ZNF141: variants seen among roughly 807,000 people sequenced by gnomAD.
ZNF141 encodes zinc finger protein 141.
In ZNF141, 7 loss-of-function variants were observed where a neutral mutation model predicts 11.3. The ratio of observed to expected loss-of-function variants is 0.62; its 90% CI spans 0.35 to 1.16. The LOEUF is 1.16. ZNF141 is among the 50% of genes most tolerant of loss of function. The pLI is 0.02. For missense variants in ZNF141, 535 were observed against 554.0 expected (o/e 0.97, Z 0.34); for synonymous variants, 183 against 190.7 (o/e 0.96, Z 0.33).
At chr4:358,984 G>A (rs1283002626) in intron 3 of ZNF141, among the ~76,000 whole-genome samples, 2 of 152,176 alleles carry the variant, frequency 1.3e-5, no homozygotes, top group Non-Finnish European at 2.9e-5. Flanking sequence ...TTTTTGTGCT[G>A]TTAGGTTTGC....
chr4:360,608 C>T (rs1476506357), intron 3 of ZNF141, among the ~76,000 whole-genome samples: 1 of 152,002 alleles, frequency 6.6e-6, no homozygotes, highest in African/African-American at 2.4e-5. Flanking sequence ...TGATCATTTA[C>T]TTTTTTGTGT....
intron 3 of ZNF141, among the ~76,000 whole-genome samples, chr4:355,162 C>T (rs1384417353): frequency 2.7e-5 from 4 of 150,880 alleles, no homozygotes; most frequent in South Asian, 2.1e-4. Context: ...TTTTTAATGA[C>T]GAATTTTTTT....
chr4:337,855 T>A lies in ZNF141; in HGVS notation c.-129T>A. 1.5e-6 allele frequency: 2 copies of A among 1,294,704 alleles called. No individual in the cohort carries two copies. Among genetic ancestry groups the A allele is most frequent in the Admixed American group, 1.7e-5 (1 of 57,842 alleles). 80.2% of individuals were successfully genotyped at this position (1,294,704 alleles called of 1,614,324 possible). On this transcript the variant is annotated 5_prime_UTR_variant, in exon 1 of 4. Transcript: ENST00000240499. ...ACTACCAGACCGCGGGTTAGGGGCT[T>A]CATCTCTCTGCGTTCTCAGTTGTGG...
rs781877639 is a variant in ZNF141, at chr4:383,958, T to G, written c.*10096T>G. 1.3e-5 allele frequency: 2 copies of G among 152,316 alleles called. No individual in the cohort carries two copies. Among genetic ancestry groups the G allele is most frequent in the Non-Finnish European group, 1.5e-5 (1 of 68,110 alleles). The allele number at this position is 152,316 out of a possible 1,614,324, so 9.4% of individuals were successfully genotyped here. A position where few individuals can be genotyped will look rare whatever the true frequency, so the allele number is the denominator to read the frequency against. On this transcript the variant is annotated 3_prime_UTR_variant, in exon 4 of 4. Transcript: ENST00000240499. ...AGAGTGCTTTCTCACTTTAATAAAA[T>G]CTTGCTTTTGCTATTCCCTTCCTGT...
In ZNF141 at chr4:368,386, C is replaced by T. The variant is rs574176283; in HGVS notation, c.227-4278C>T. On this transcript the variant is annotated intron_variant, in intron 3 of 3. Coordinates refer to ENST00000240499, the MANE Select transcript of ZNF141 (RefSeq NM_003441.4). ...CCACCCAAGTAGCTGGGATTACAGACGTGCACCACCACACCCATCTAATTT... is the reference window on the plus strand; with the variant it reads ...CCACCCAAGTAGCTGGGATTACAGATGTGCACCACCACACCCATCTAATTT... 1.8e-4 allele frequency among the ~76,000 whole-genome samples: 27 copies of T among 152,068 alleles called. No individual in the cohort carries two copies. The South Asian group carries it at 4.1e-3, about 23-fold the overall frequency.
rs1721625163 is a variant in ZNF141, at chr4:351,964, G to A, written c.226+7534G>A. On this transcript the variant is annotated intron_variant, in intron 3 of 3. Transcript: ENST00000240499. ...ATTGTCAAGTAAAATAAATTTTGAT[G>A]TAGGTAAGAAGTGAGTTTATTCTAA... is the stretch of plus-strand genomic sequence containing the variant. Among the ~76,000 whole-genome samples, 4 of 152,138 alleles carry A rather than the reference G, an allele frequency of 2.6e-5. No homozygotes were observed. The South Asian group carries it at 8.3e-4, about 31-fold the overall frequency.
At chr4:371,656 C>T (rs782644084) in intron 3 of ZNF141, among the ~76,000 whole-genome samples, 1 of 152,126 alleles carries the variant, frequency 6.6e-6, no homozygotes, top group Non-Finnish European at 1.5e-5. Flanking sequence ...TCTCCTGCCT[C>T]AGCCTCCCGC....
At position 376,945 on chromosome 4, in the gene ZNF141, C is replaced by CT. The variant is rs1553854740; in HGVS notation, c.*3089dup. ...CTAGAGCTATAATTTCTTTGATTCT[C>CT]TTTTTTGTTTTCACTTCATGAAGTG... On this transcript the variant is annotated 3_prime_UTR_variant, in exon 4 of 4. Transcript: ENST00000240499. Among the ~76,000 whole-genome samples, 1 of 151,978 alleles carries CT rather than the reference C, an allele frequency of 6.6e-6. No homozygotes were observed. The highest frequency in any genetic ancestry group is 1.9e-4 in the East Asian group (1 of 5,194).
intron 3 of ZNF141, among the ~76,000 whole-genome samples, chr4:346,505 TA>T (rs2108687134): frequency 6.6e-6 from 1 of 152,324 alleles, no homozygotes; most frequent in East Asian, 1.9e-4. Flanking sequence ...ATTTAAAGCA[TA>T]CATTATAGTA....
intron 3 of ZNF141, among the ~76,000 whole-genome samples, chr4:369,482 A>G (rs1233602830): frequency 1.3e-5 from 2 of 151,782 alleles, no homozygotes; most frequent in East Asian, 1.9e-4. Flanking sequence ...AATTTTTGCA[A>G]TCAGTCCCTT....
rs1721223489 is a variant in ZNF141 at position 344,482 on chromosome 4, A to G, written c.226+52A>G. On this transcript the variant is annotated intron_variant, in intron 3 of 3. Coordinates refer to ENST00000240499, the MANE Select transcript of ZNF141 (RefSeq NM_003441.4). ...GCACAGGCAAGGGGACCAAAGGTCA[A>G]GAAGGAAGCCAGGCCTTAAAATGTG... 5 of 1,518,890 alleles carry G rather than the reference A, an allele frequency of 3.3e-6. No homozygotes were observed. In the East Asian group the frequency reaches 1.2e-4, roughly 36 times the overall value. The allele number at this position is 1,518,890 out of a possible 1,614,324, so 94.1% of individuals were successfully genotyped here.
rs1553848935 is a variant in ZNF141 at position 343,791 on chromosome 4, ACAT to A, written c.14_16del (p.Thr5_Phe6delinsIle). On this transcript the variant is annotated inframe_deletion, in exon 2 of 4. Transcript: ENST00000240499. ...ATATTTGTATTTTCAGGAACTCTTA[ACAT>A]TCAGGGATGTGGCCATAGAATTCTC... 1 of 1,582,952 alleles carries A rather than the reference ACAT, an allele frequency of 6.3e-7. No individual in the cohort carries two copies. Among genetic ancestry groups the A allele is most frequent in the East Asian group, 2.2e-5 (1 of 44,462 alleles).
chr4:383,235 C>A lies in ZNF141; in HGVS notation c.*9373C>A, dbSNP rs1712743944. On this transcript the variant is annotated 3_prime_UTR_variant, in exon 4 of 4. Coordinates refer to ENST00000240499, the MANE Select transcript of ZNF141 (RefSeq NM_003441.4). ...ATTCACCAGCATCTAACCACTCACA[C>A]CTGAAGGAGCCAAACTGAGCCCAGA... The A allele has an allele frequency of 1.5e-6, 1 of 675,558 alleles. No individual in the cohort carries two copies. The highest frequency in any genetic ancestry group is 1.8e-5 in the African/African-American group (1 of 56,072). 41.8% of individuals were successfully genotyped at this position (675,558 alleles called of 1,614,324 possible). A position where few individuals can be genotyped will look rare whatever the true frequency, so the allele number is the denominator to read the frequency against.
intron 3 of ZNF141, among the ~76,000 whole-genome samples, chr4:357,808 G>T (rs2108706187): frequency 6.6e-6 from 1 of 150,806 alleles, no homozygotes; most frequent in Non-Finnish European, 1.5e-5. Flanking sequence ...CCGGATTCAA[G>T]CAATTCTCTA....
intron 2 of ZNF141, 71 bp from the exon 3 acceptor site, chr4:344,264 C>A: frequency 7.7e-7 from 1 of 1,295,990 alleles, no homozygotes; most frequent in Non-Finnish European, 1.1e-6. Flanking sequence ...TTCTGCTTAG[C>A]GTAGTACTAG....
rs2108657844 is a variant in ZNF141 at position 375,754 on chromosome 4, A to G, written c.*1892A>G. 6.6e-6 allele frequency among the ~76,000 whole-genome samples: 1 copy of G among 152,138 alleles called. No homozygotes were observed. Among genetic ancestry groups the G allele is most frequent in the East Asian group, 1.9e-4 (1 of 5,200 alleles). ...AACTCAAATTATTTCATACTGTTTC[A>G]ACATTCCTGTTTATGTGAAAGCATG... is the stretch of plus-strand genomic sequence containing the variant. On this transcript the variant is annotated 3_prime_UTR_variant, in exon 4 of 4. Coordinates refer to ENST00000240499, the MANE Select transcript of ZNF141 (RefSeq NM_003441.4).
rs1400296490 is a variant in ZNF141 at position 384,146 on chromosome 4, AAC to A, written c.*10290_*10291del. 3 of 152,206 alleles carry A rather than the reference AAC, an allele frequency of 2.0e-5. No individual in the cohort carries two copies. The highest frequency in any genetic ancestry group is 2.9e-5 in the Non-Finnish European group (2 of 68,054). The allele number at this position is 152,206 out of a possible 1,614,324, so 9.4% of individuals were successfully genotyped here. Reference sequence around the variant, plus strand: ...ACAGTGCCCCATACCACAGGAGAAAAACACACAGTTCCAGCCTGGCAATTAGG... The same window carrying A: ...ACAGTGCCCCATACCACAGGAGAAAAACACAGTTCCAGCCTGGCAATTAGG... On this transcript the variant is annotated 3_prime_UTR_variant, in exon 4 of 4. Transcript: ENST00000240499.
Position 384,366 on chromosome 4 carries a change from G to A in ZNF141, c.*10504G>A, listed in dbSNP as rs1177016872. The stretch of plus-strand genomic sequence containing the variant: ...GAGAAAGGAGGCAGAGGCTGGTTAG[G>A]AAGATAGGGAGGGAAGGTCTTGGGA... On this transcript the variant is annotated 3_prime_UTR_variant, in exon 4 of 4. Transcript: ENST00000240499. The A allele has an allele frequency of 1.1e-4, 17 of 152,256 alleles. No homozygotes were observed. Among genetic ancestry groups the A allele is most frequent in the African/African-American group, 3.6e-4 (15 of 41,420 alleles). 9.4% of individuals were successfully genotyped at this position (152,256 alleles called of 1,614,324 possible).
chr4:341,275 C>A (rs1046618999), intron 1 of ZNF141, among the ~76,000 whole-genome samples: 1 of 151,980 alleles, frequency 6.6e-6, no homozygotes, highest in Admixed American at 6.6e-5. Context: ...ATTGGCCAGG[C>A]TGGTCTTGAA....
Sources: gnomAD v4.1 joint callset for allele counts (sites outside exome capture counted in the v4.1 genomes callset) on GRCh38, gnomAD v4.1.1 for gene constraint, MANE v1.5 for transcripts, NCBI Gene and HGNC (gene_info 2026-07-23, HGNC 2026-07-21) for gene names.